Variants in OTUB2 observed in about 807,000 individuals in gnomAD.
OTUB2 encodes the protein ubiquitin thioesterase OTUB2.
In OTUB2, 21 loss-of-function variants were observed where a neutral mutation model predicts 25.1. The observed-to-expected ratio is 0.84, with a 90% confidence interval of 0.59 to 1.21. The LOEUF is 1.21. Ranked by LOEUF, OTUB2 falls within the 50% of genes most tolerant of loss-of-function variation. OTUB2 has a pLI of 0.00. For missense variants in OTUB2, 283 were observed against 298.0 expected (o/e 0.95, Z 0.37); for synonymous variants, 122 against 122.8 (o/e 0.99, Z 0.04).
intron 1 of OTUB2, among the ~76,000 whole-genome samples, chr14:94,033,065 C>T (rs1279603567): frequency 6.6e-6 from 1 of 152,186 alleles, no homozygotes; most frequent in African/African-American, 2.4e-5. Flanking sequence ...GTGCCCACCA[C>T]CACACCCGGC....
At chr14:94,031,261 A>AAACAATGTT (rs1884956175) in intron 1 of OTUB2, among the ~76,000 whole-genome samples, 1 of 151,916 alleles carries the variant, frequency 6.6e-6, no homozygotes, top group Non-Finnish European at 1.5e-5. Context: ...AAGAAAAAGA[A>AAACAATGTT]AACAATGTTG....
chr14:94,044,809 C>A (rs1419166818), intron 5 of OTUB2, 29 bp downstream of exon 5: 3 of 1,586,052 alleles, frequency 1.9e-6, no homozygotes, highest in Non-Finnish European at 1.7e-6. Context: ...AGCCCCAGCC[C>A]TGGGCTCTGC....
At chr14:94,026,613 G>A (rs1036685085) in intron 1 of OTUB2, 73 bp downstream of exon 1, 10 of 1,181,104 alleles carry the variant, frequency 8.5e-6, no homozygotes, top group African/African-American at 3.2e-5. Flanking sequence ...GCCGGAGCGG[G>A]TGCACCCGCG....
chr14:94,030,576 CG>C (rs150972590), intron 1 of OTUB2, among the ~76,000 whole-genome samples: 12,587 of 151,762 alleles, frequency 0.083, 557 homozygotes, highest in Middle Eastern at 0.16. Context: ...ATAACTGACC[CG>C]GGGGGGAAGC....
At chr14:94,028,678 G>A (rs1485427911) in intron 1 of OTUB2, among the ~76,000 whole-genome samples, 1 of 152,244 alleles carries the variant, frequency 6.6e-6, no homozygotes, top group Non-Finnish European at 1.5e-5. Context: ...CTGTGACACT[G>A]ATGAGAAAGA....
At position 94,026,524 on chromosome 14, in the gene OTUB2, C is replaced by G. The variant is rs1201268724; in HGVS notation, c.-14C>G. ...CTCGCTGGGGCGGGACCTGGCCTGG[C>G]GGCTCTGGTCACTATGGTCAGTGAT... On this transcript the variant is annotated 5_prime_UTR_variant, in exon 1 of 6. Transcript: ENST00000203664. 9.7e-7 allele frequency: 1 copy of G among 1,025,982 alleles called. No individual in the cohort carries two copies. The highest frequency in any genetic ancestry group is 1.2e-6 in the Non-Finnish European group (1 of 807,992). The allele number at this position is 1,025,982 out of a possible 1,614,324, so 63.6% of individuals were successfully genotyped here.
In OTUB2 at chr14:94,046,040, T is replaced by C. The variant is rs1885269796; in HGVS notation, c.*118T>C. ...CTGTAGCAAGAAAATGTGCAGCCTT[T>C]TGGGCAAAGCCCCTGGGAACGAGGC... On this transcript the variant is annotated 3_prime_UTR_variant, in exon 6 of 6. Coordinates refer to ENST00000203664, the MANE Select transcript of OTUB2 (RefSeq NM_023112.4). The C allele has an allele frequency of 8.4e-7, 1 of 1,189,344 alleles. No individual in the cohort carries two copies. Among genetic ancestry groups the C allele is most frequent in the Non-Finnish European group, 1.2e-6 (1 of 835,342 alleles). 73.7% of individuals were successfully genotyped at this position (1,189,344 alleles called of 1,614,324 possible).
At chr14:94,034,339 A>T (rs930821166) in intron 1 of OTUB2, among the ~76,000 whole-genome samples, 1 of 152,230 alleles carries the variant, frequency 6.6e-6, no homozygotes, top group Admixed American at 6.5e-5. Flanking sequence ...CCTCAGGGGC[A>T]GGAGGTGGGG....
In OTUB2 at chr14:94,045,760, G is replaced by T; in HGVS notation, c.543G>T (p.Thr181=). Reference sequence around the variant, plus strand: ...CGGAGTGTGACCACATCCAGATCACGGCGTTGTCGCAGGCCCTGAGCATTG... The same window carrying T: ...CGGAGTGTGACCACATCCAGATCACTGCGTTGTCGCAGGCCCTGAGCATTG... The part of the protein sequence containing the change: ...MATECDHIQI[T]ALSQALSIAL... Residue 181 remains threonine (T), a synonymous_variant, in exon 6 of 6, where the codon ACG becomes ACT. Coordinates refer to ENST00000203664, the MANE Select transcript of OTUB2 (RefSeq NM_023112.4). 6.2e-7 allele frequency: 1 copy of T among 1,614,178 alleles called. No individual in the cohort carries two copies.
intron 5 of OTUB2, 43 bp downstream of exon 5, chr14:94,044,823 TGTGG>T: frequency 6.4e-7 from 1 of 1,565,608 alleles, no homozygotes; most frequent in Non-Finnish European, 8.7e-7. Context: ...GCTCTGCTCC[TGTGG>T]CCCTGTCCTG....
chr14:94,040,833 CAGGAAGGAGGCCG>C (rs1885146894), intron 3 of OTUB2, among the ~76,000 whole-genome samples: 1 of 152,148 alleles, frequency 6.6e-6, no homozygotes, highest in South Asian at 2.1e-4. Flanking sequence ...AAAAATCAGG[CAGGAAGGAGGCCG>C]AGGAGTGCAA....
chr14:94,026,578 A>C, intron 1 of OTUB2, 38 bp downstream of exon 1: 1 of 445,236 alleles, frequency 2.2e-6, no homozygotes, highest in South Asian at 9.4e-5. Flanking sequence ...GGGAGCGGGC[A>C]GGGGGCGCGG....
At chr14:94,035,078 C>T (rs1366995408) in intron 1 of OTUB2, among the ~76,000 whole-genome samples, 3 of 152,122 alleles carry the variant, frequency 2.0e-5, no homozygotes, top group Non-Finnish European at 4.4e-5. Flanking sequence ...TTTCCTGTTG[C>T]TTTGCCAGCC....
At chr14:94,041,367 C>T (rs377352593) in intron 3 of OTUB2, among the ~76,000 whole-genome samples, 126 of 152,096 alleles carry the variant, frequency 8.3e-4, no homozygotes, top group African/African-American at 3.0e-3. Context: ...GGCTGGCGTT[C>T]AGCAGGCAGG....
chr14:94,037,317 T>C (rs1354222187), intron 1 of OTUB2, 63 bp from the exon 2 acceptor site: 1 of 1,222,268 alleles, frequency 8.2e-7, no homozygotes, highest in Middle Eastern at 1.9e-4. Context: ...GGCCACCAGC[T>C]CGGGGAGTCC....
chr14:94,045,646 G>A lies in OTUB2; in HGVS notation c.499-70G>A, dbSNP rs1020545947. 37 of 1,474,286 alleles carry A rather than the reference G, an allele frequency of 2.5e-5. No homozygotes were observed. In the Admixed American group the frequency reaches 6.8e-4, roughly 27 times the overall value. The allele number at this position is 1,474,286 out of a possible 1,614,324, so 91.3% of individuals were successfully genotyped here. ...GCTGTGACCATGACCCTGAGAGCCA[G>A]AGCTGAACTCACTTGTCCTCTGCCA... On this transcript the variant is annotated intron_variant, in intron 5 of 5. Transcript: ENST00000203664.
chr14:94,032,001 T>C (rs1326845066), intron 1 of OTUB2, among the ~76,000 whole-genome samples: 1 of 152,210 alleles, frequency 6.6e-6, no homozygotes, highest in East Asian at 1.9e-4. Context: ...GCCTGATTTA[T>C]GGGCTAGTAA....
rs187752553 is a variant in OTUB2 at position 94,043,087 on chromosome 14, C to T, written c.219-884C>T. Among the ~76,000 whole-genome samples the T allele has an allele frequency of 1.9e-4, 29 of 152,342 alleles. No individual in the cohort carries two copies. The East Asian group carries it at 4.1e-3, about 21-fold the overall frequency. On this transcript the variant is annotated intron_variant, in intron 3 of 5. Transcript: ENST00000203664. ...CTTCTGAGTTAGGAGACCAGCTTCCCGTCCACACCCACCACCTTCTCCCTC... is the reference window on the plus strand; with the variant it reads ...CTTCTGAGTTAGGAGACCAGCTTCCTGTCCACACCCACCACCTTCTCCCTC...
intron 1 of OTUB2, 56 bp downstream of exon 1, chr14:94,026,596 G>T (rs939723637): frequency 4.1e-6 from 5 of 1,206,556 alleles, no homozygotes; most frequent in South Asian, 7.8e-5. Flanking sequence ...CGGTGGGCGG[G>T]GTCGCTGCCG....
Sources: allele counts gnomAD v4.1 joint callset (sites outside exome capture counted in the v4.1 genomes callset), GRCh38; gene constraint gnomAD v4.1.1; transcripts MANE v1.5; gene names NCBI Gene and HGNC (gene_info 2026-07-23, HGNC 2026-07-21).